Variants in GLYATL3 observed in about 807,000 individuals in gnomAD.
The protein encoded by GLYATL3 is glycine-N-acyltransferase like 3.
Under a neutral mutation model 28.5 loss-of-function variants are expected in GLYATL3, and 31 were observed. That is an observed-to-expected ratio of 1.09 (90% confidence interval 0.82 to 1.47). The LOEUF (loss-of-function observed/expected upper bound fraction) is 1.47, where lower values mean the gene tolerates loss of function less well. Ranked by LOEUF, GLYATL3 falls within the 40% of genes most tolerant of loss-of-function variation. The pLI is 0.00. For synonymous variants in GLYATL3, 141 were observed against 140.2 expected (o/e 1.01, Z -0.04); for missense variants, 369 against 351.5 (o/e 1.05, Z -0.40).
chr6:49,520,394 G>A (rs536314404), intron 4 of GLYATL3, among the ~76,000 whole-genome samples: 3 of 152,098 alleles, frequency 2.0e-5, no homozygotes, highest in Non-Finnish European at 4.4e-5. Context: ...GTTATAATAT[G>A]AGATACTAGC....
chr6:49,515,473 GATAAA>G (rs1769198594), intron 2 of GLYATL3, among the ~76,000 whole-genome samples, 175 bp from the exon 3 acceptor site: 1 of 152,044 alleles, frequency 6.6e-6, no homozygotes, highest in African/African-American at 2.4e-5. Flanking sequence ...CAAGTGCACT[GATAAA>G]ATAATAGAAA....
At chr6:49,517,157 TAA>T (rs35821614) in intron 3 of GLYATL3, among the ~76,000 whole-genome samples, 1 of 134,528 alleles carries the variant, frequency 7.4e-6, no homozygotes, top group Admixed American at 7.3e-5. Context: ...AGACTCTGTC[TAA>T]AAAAAAAAAA....
At chr6:49,508,611 G>A (rs1173371523) in intron 1 of GLYATL3, among the ~76,000 whole-genome samples, 8 of 152,138 alleles carry the variant, frequency 5.3e-5, no homozygotes, top group Non-Finnish European at 1.0e-4. Context: ...CTTTCCCAGA[G>A]CTATGAATAT....
chr6:49,508,091 T>C (rs1444211630), intron 1 of GLYATL3, among the ~76,000 whole-genome samples: 2 of 151,744 alleles, frequency 1.3e-5, no homozygotes, highest in African/African-American at 2.4e-5. Flanking sequence ...GGTCAGGAGA[T>C]CAAGACCATC....
intron 2 of GLYATL3, among the ~76,000 whole-genome samples, chr6:49,515,120 TTTTG>T (rs528571843): frequency 6.6e-4 from 100 of 152,116 alleles, no homozygotes; most frequent in African/African-American, 2.4e-3. Context: ...AAAGTACAGT[TTTTG>T]TTTGTTTGTT....
intron 5 of GLYATL3, among the ~76,000 whole-genome samples, chr6:49,523,570 C>T (rs918605987): frequency 8.5e-5 from 13 of 152,234 alleles, no homozygotes; most frequent in African/African-American, 1.9e-4. Flanking sequence ...TGTTCTCAGA[C>T]ACCAACCAAG....
chr6:49,526,932 G>A lies in GLYATL3; in HGVS notation c.*18G>A. Reference sequence around the variant, plus strand: ...ACCTCTAGCCCAGTAAAAAACTGCAGTGGTTTTATTACTTTCCCTGAGCAT... The same window carrying A: ...ACCTCTAGCCCAGTAAAAAACTGCAATGGTTTTATTACTTTCCCTGAGCAT... On this transcript the variant is annotated 3_prime_UTR_variant, in exon 6 of 6. Transcript: ENST00000371197. 1 of 1,473,250 alleles carries A rather than the reference G, an allele frequency of 6.8e-7. No homozygotes were observed. Among genetic ancestry groups the A allele is most frequent in the Non-Finnish European group, 9.0e-7 (1 of 1,108,714 alleles). The allele number at this position is 1,473,250 out of a possible 1,614,324, so 91.3% of individuals were successfully genotyped here. A position where few individuals can be genotyped will look rare whatever the true frequency, so the allele number is the denominator to read the frequency against.
chr6:49,503,206 A>G (rs1334682434), intron 1 of GLYATL3, among the ~76,000 whole-genome samples: 1 of 152,328 alleles, frequency 6.6e-6, no homozygotes, highest in East Asian at 1.9e-4. Flanking sequence ...TTACTGTCCC[A>G]TCTTTGAATT....
chr6:49,516,039 A>G (rs1423344607), intron 3 of GLYATL3, among the ~76,000 whole-genome samples: 6 of 150,618 alleles, frequency 4.0e-5, no homozygotes, highest in African/African-American at 1.2e-4. Flanking sequence ...GGTTGAACCG[A>G]TTCTCCTGCC....
At chr6:49,509,265 A>G (rs142881256) in intron 1 of GLYATL3, among the ~76,000 whole-genome samples, 2 of 152,348 alleles carry the variant, frequency 1.3e-5, no homozygotes, top group South Asian at 2.1e-4. Flanking sequence ...CATTGTTCCA[A>G]GTAGAAATAC....
At chr6:49,509,747 T>C (rs1769078999) in intron 1 of GLYATL3, among the ~76,000 whole-genome samples, 1 of 152,250 alleles carries the variant, frequency 6.6e-6, no homozygotes, top group South Asian at 2.1e-4. Context: ...ACAAATAAAT[T>C]TTAGCAAGCA....
At chr6:49,514,425 A>C (rs1482108480) in intron 2 of GLYATL3, among the ~76,000 whole-genome samples, 1 of 152,238 alleles carries the variant, frequency 6.6e-6, no homozygotes, top group Non-Finnish European at 1.5e-5. Context: ...ATGGTGGTAA[A>C]AAGGATTCCT....
In GLYATL3 at chr6:49,527,866, T is replaced by A. The variant is rs1769451836; in HGVS notation, c.*952T>A. On this transcript the variant is annotated 3_prime_UTR_variant, in exon 6 of 6. Transcript: ENST00000371197. The stretch of plus-strand genomic sequence containing the variant: ...TAGGTATATACTCATAGAATTTTGA[T>A]AAGATAATAAATTTTAACCCTTTGA... Among the ~76,000 whole-genome samples, 1 of 152,176 alleles carries A rather than the reference T, an allele frequency of 6.6e-6. No individual in the cohort carries two copies. Among genetic ancestry groups the A allele is most frequent in the African/African-American group, 2.4e-5 (1 of 41,454 alleles).
chr6:49,524,439 T>C (rs1034308277), intron 5 of GLYATL3, among the ~76,000 whole-genome samples: 1 of 152,222 alleles, frequency 6.6e-6, no homozygotes, highest in Admixed American at 6.5e-5. Flanking sequence ...GCTTTAAGAC[T>C]GAGAGCAAAT....
At position 49,511,160 on chromosome 6, in the gene GLYATL3, TA is replaced by T. The variant is rs755209177; in HGVS notation, c.-28-802del. Among the ~76,000 whole-genome samples the T allele has an allele frequency of 5.9e-5, 9 of 152,328 alleles. 1 individual carries two copies. Among genetic ancestry groups the T allele is most frequent in the Middle Eastern group, 3.4e-3 (1 of 294 alleles). On this transcript the variant is annotated intron_variant, in intron 1 of 5. Transcript: ENST00000371197. ...GCTCTGCTACATTGAATGTAGGAAA[TA>T]TTTTTTTTCTTTAATTCAGTCCATC...
intron 3 of GLYATL3, among the ~76,000 whole-genome samples, chr6:49,516,705 G>T (rs1769221022): frequency 6.6e-6 from 1 of 151,996 alleles, no homozygotes; most frequent in South Asian, 2.1e-4. Flanking sequence ...GAGGCAGGGG[G>T]TTTGCTTGAG....
rs538858716 is a variant in GLYATL3 at position 49,527,142 on chromosome 6, G to C, written c.*228G>C. ...GTAGCTGTGGCTGAAGACTGAGGAC[G>C]ATTGTCCTCCTGTAGGATCCACTGT... On this transcript the variant is annotated 3_prime_UTR_variant, in exon 6 of 6. Transcript: ENST00000371197. 1 of 501,144 alleles carries C rather than the reference G, an allele frequency of 2.0e-6. No homozygotes were observed. Among genetic ancestry groups the C allele is most frequent in the Non-Finnish European group, 3.5e-6 (1 of 284,100 alleles). 31.0% of individuals were successfully genotyped at this position (501,144 alleles called of 1,614,324 possible).
At chr6:49,506,398 C>T (rs370215375) in intron 1 of GLYATL3, among the ~76,000 whole-genome samples, 36 of 152,290 alleles carry the variant, frequency 2.4e-4, no homozygotes, top group East Asian at 2.1e-3. Flanking sequence ...AATAGTAGGA[C>T]TCTTTATCAT....
At chr6:49,516,906 C>T (rs544965347) in intron 3 of GLYATL3, among the ~76,000 whole-genome samples, 1 of 151,648 alleles carries the variant, frequency 6.6e-6, no homozygotes, top group South Asian at 2.1e-4. Context: ...GCCTGTAATG[C>T]CAACACTTTG....
Sources: allele counts gnomAD v4.1 joint callset (sites outside exome capture counted in the v4.1 genomes callset), GRCh38; gene constraint gnomAD v4.1.1; transcripts MANE v1.5; gene names NCBI Gene and HGNC (gene_info 2026-07-23, HGNC 2026-07-21).